FBXO9: variants seen among roughly 807,000 people sequenced by gnomAD.
The protein encoded by FBXO9 is F-box only protein 9.
Under a neutral mutation model 63.7 loss-of-function variants are expected in FBXO9, and 43 were observed. That is an observed-to-expected ratio of 0.67 (90% CI 0.53 to 0.87). The LOEUF is 0.87. FBXO9 is among the 40% of genes least tolerant of loss of function. The probability of loss-of-function intolerance (pLI) is 0.00; values close to 1 mark genes in which losing one functional copy is unlikely to be tolerated. For missense variants in FBXO9, 442 were observed against 533.2 expected, an observed-to-expected ratio of 0.83 and a Z score of 1.68; for synonymous variants, 156 against 171.7, an observed-to-expected ratio of 0.91 and a Z score of 0.72.
chr6:53,086,402 C>T (rs972436686), intron 7 of FBXO9, among the ~76,000 whole-genome samples: 1 of 152,248 alleles, frequency 6.6e-6, no homozygotes, highest in Non-Finnish European at 1.5e-5. Context: ...TAACCAAAAA[C>T]CTAATAAAGC....
At chr6:53,094,863 G>A (rs1763160433) in intron 11 of FBXO9, 1 of 337,874 alleles carries the variant, frequency 3.0e-6, no homozygotes, top group East Asian at 1.0e-4. Flanking sequence ...GAATTTGGAA[G>A]GCCTTAGTTG....
At chr6:53,084,677 T>C (rs2127495236) in intron 7 of FBXO9, among the ~76,000 whole-genome samples, 1 of 152,340 alleles carries the variant, frequency 6.6e-6, no homozygotes, top group South Asian at 2.1e-4. Flanking sequence ...GAACAGAAGC[T>C]TTTGTTTTTA....
chr6:53,065,035 A>T (rs889133622), upstream of FBXO9: 4 of 152,252 alleles, frequency 2.6e-5, no homozygotes, highest in Non-Finnish European at 4.4e-5. Context: ...TTTAGTCGTT[A>T]TAACAACTGT....
Position 53,065,706 on chromosome 6 carries a change from C to T in FBXO9, c.-84C>T, listed in dbSNP as rs1449950867. 1.4e-6 allele frequency: 2 copies of T among 1,413,330 alleles called. No homozygotes were observed. Among genetic ancestry groups the T allele is most frequent in the Non-Finnish European group, 1.9e-6 (2 of 1,078,008 alleles). The allele number at this position is 1,413,330 out of a possible 1,614,324, so 87.5% of individuals were successfully genotyped here. A position where few individuals can be genotyped will look rare whatever the true frequency, so the allele number is the denominator to read the frequency against. On this transcript the variant is annotated 5_prime_UTR_variant, in exon 1 of 13. Transcript: ENST00000323557. Reference sequence around the variant, plus strand: ...TGCAGAGACAGGCAGGAGTAGACACCCGGACACCCAGCACCCCTCCTCCGG... The same window carrying T: ...TGCAGAGACAGGCAGGAGTAGACACTCGGACACCCAGCACCCCTCCTCCGG...
chr6:53,093,865 A>G lies in FBXO9; in HGVS notation c.960-20A>G, dbSNP rs1763122218. 2 of 1,439,218 alleles carry G rather than the reference A, an allele frequency of 1.4e-6. No homozygotes were observed. Among genetic ancestry groups the G allele is most frequent in the Non-Finnish European group, 9.4e-7 (1 of 1,060,362 alleles). 89.2% of individuals were successfully genotyped at this position (1,439,218 alleles called of 1,614,324 possible). ...CCACTTAATAACTGATTTAGATTCA[A>G]TTTGTTTTTTTTTTTTAAGGACTGA... is the stretch of plus-strand genomic sequence containing the variant. On this transcript the variant is annotated intron_variant, in intron 10 of 12. Transcript: ENST00000323557.
chr6:53,097,502 A>G (rs759330272), intron 12 of FBXO9, among the ~76,000 whole-genome samples: 39 of 152,208 alleles, frequency 2.6e-4, no homozygotes, highest in Non-Finnish European at 5.9e-5. Context: ...ACTAGAAAAT[A>G]TCCTTCATAT....
intron 7 of FBXO9, among the ~76,000 whole-genome samples, chr6:53,090,312 T>A (rs1410869711): frequency 6.6e-6 from 1 of 152,236 alleles, no homozygotes; most frequent in African/African-American, 2.4e-5. Context: ...TTTCTTCACA[T>A]TCATGATTTA....
rs1763320891 is a variant in FBXO9, at chr6:53,100,517, G to GC, written c.*2688dup. The stretch of plus-strand genomic sequence containing the variant: ...CTCCCAGCCCCCTTCCTACCCCTTA[G>GC]CAGAGGGCCAGGTGAGGGTGCTTGG... On this transcript the variant is annotated 3_prime_UTR_variant, in exon 13 of 13. Coordinates refer to ENST00000323557, the MANE Select transcript of FBXO9 (RefSeq NM_033480.3). 1 of 151,882 alleles carries GC rather than the reference G, an allele frequency of 6.6e-6. No individual in the cohort carries two copies. The highest frequency in any genetic ancestry group is 2.4e-5 in the African/African-American group (1 of 41,342). 9.4% of individuals were successfully genotyped at this position (151,882 alleles called of 1,614,324 possible).
At chr6:53,068,589 C>T (rs556744051) in intron 1 of FBXO9, among the ~76,000 whole-genome samples, 45 of 150,544 alleles carry the variant, frequency 3.0e-4, no homozygotes, top group African/African-American at 1.0e-3. Flanking sequence ...TCATAGAACA[C>T]ATTTAATAAC....
At chr6:53,065,898 G>T in intron 1 of FBXO9, 106 bp downstream of exon 1, 1 of 1,222,632 alleles carries the variant, frequency 8.2e-7, no homozygotes, top group South Asian at 3.2e-5. Context: ...GGGGAGGAGT[G>T]GGAGCTTCAC....
Position 53,078,848 on chromosome 6 carries a change from C to G in FBXO9, c.357C>G (p.Phe119Leu). The G allele has an allele frequency of 6.2e-7, 1 of 1,613,828 alleles. No individual in the cohort carries two copies. Among genetic ancestry groups the G allele is most frequent in the Non-Finnish European group, 8.5e-7 (1 of 1,179,800 alleles). The change falls in exon 5 of 13, where the codon TTC becomes TTG. Residue 119 changes from phenylalanine to leucine, a missense_variant. Physicochemically the swap from Phe to Leu is conservative, Grantham distance 22. Around this residue, in one of 2 missense-constraint regions of FBXO9, gnomAD observed 180 missense variants for 171.1 expected, o/e 1.05. Transcript: ENST00000323557. ...TGCAACTTGTACCTGATATAGAGTT[C>G]AAGATTACTTATACCCGGTCTCCAG... ...RAMQLVPDIE[F>L]KITYTRSPDG...
Position 53,082,627 on chromosome 6 carries a change from T to A in FBXO9, c.653+9T>A, listed in dbSNP as rs1769352619. On this transcript the variant is annotated intron_variant, in intron 7 of 12. Coordinates refer to ENST00000323557, the MANE Select transcript of FBXO9 (RefSeq NM_033480.3). ...TTCTACATCTGTGCCAGGTACTAAG[T>A]TTTTGTTTTTGTTTTTTAAACAACT... 1.3e-6 allele frequency: 2 copies of A among 1,584,516 alleles called. No homozygotes were observed. Among genetic ancestry groups the A allele is most frequent in the East Asian group, 4.5e-5 (2 of 44,634 alleles).
At chr6:53,067,318 TTA>T (rs1768741830) in intron 1 of FBXO9, among the ~76,000 whole-genome samples, 3 of 152,112 alleles carry the variant, frequency 2.0e-5, no homozygotes, top group Non-Finnish European at 4.4e-5. Context: ...GACCTTATGG[TTA>T]CAGAGGTAAC....
intron 5 of FBXO9, 108 bp from the exon 6 acceptor site, chr6:53,080,860 T>C (rs1471746731): frequency 1.1e-5 from 13 of 1,203,226 alleles, no homozygotes; most frequent in Non-Finnish European, 1.5e-5. Context: ...TTGAATAAGC[T>C]TTAGGTGACT....
intron 11 of FBXO9, chr6:53,094,815 T>C (rs1208552125): frequency 2.3e-6 from 1 of 430,946 alleles, no homozygotes; most frequent in Admixed American, 2.6e-5. Flanking sequence ...AGAGAGTTGC[T>C]TTGACTGTGA....
In FBXO9 at chr6:53,097,926, G is replaced by GTGTATATA. The variant is rs1295147641; in HGVS notation, c.*97_*98insGTATATAT. On this transcript the variant is annotated 3_prime_UTR_variant, in exon 13 of 13. Coordinates refer to ENST00000323557, the MANE Select transcript of FBXO9 (RefSeq NM_033480.3). ...TAAATGTGTGTGTGTGCGTGTGTGTGTATATATATATATATATATATATAT... is the reference window on the plus strand; with the variant it reads ...TAAATGTGTGTGTGTGCGTGTGTGTGTGTATATATATATATATATATATATATATATAT... 6 of 88,298 alleles carry GTGTATATA rather than the reference G, an allele frequency of 6.8e-5. No homozygotes were observed. The highest frequency in any genetic ancestry group is 3.5e-4 in the South Asian group (1 of 2,896). The allele number at this position is 88,298 out of a possible 1,614,324, so 5.5% of individuals were successfully genotyped here.
chr6:53,091,553 GAGACAGGGTTTCACTATGTTGGCC>G (rs1195867287), intron 7 of FBXO9: 1 of 152,214 alleles, frequency 6.6e-6, no homozygotes, highest in Non-Finnish European at 1.5e-5. Context: ...ATTTTTAGTA[GAGACAGGGTTTCACTATGTTGGCC>G]AGGCTGGTCT....
At chr6:53,091,995 G>A in intron 7 of FBXO9, 1 of 172,486 alleles carries the variant, frequency 5.8e-6, no homozygotes, top group Non-Finnish European at 1.2e-5. Flanking sequence ...AGTTTCCTCT[G>A]CACAATGCCC....
chr6:53,078,303 A>C (rs1209949310), intron 4 of FBXO9, among the ~76,000 whole-genome samples: 4 of 152,064 alleles, frequency 2.6e-5, no homozygotes, highest in African/African-American at 7.2e-5. Flanking sequence ...AAAATTTAAA[A>C]ATTAGCTGAG....
Sources: allele counts gnomAD v4.1 joint callset (sites outside exome capture counted in the v4.1 genomes callset), GRCh38; gene constraint gnomAD v4.1.1; regional missense constraint gnomAD v4.1.1; transcripts MANE v1.5; gene names NCBI Gene and HGNC (gene_info 2026-07-23, HGNC 2026-07-21).